The following TAFA1 variants were observed in gnomAD, a reference collection of about 807,000 sequenced individuals.
TAFA1 encodes TAFA chemokine like family member 1.
TAFA1 carries 4 observed loss-of-function variants against 18.5 expected under a neutral mutation model. The observed-to-expected ratio is 0.22, with a 90% CI of 0.11 to 0.49. TAFA1 has a LOEUF of 0.49. TAFA1 is among the 20% of genes least tolerant of loss of function. The pLI is 0.98. For synonymous variants in TAFA1, 56 were observed against 55.2 expected, an observed-to-expected ratio of 1.01 and a Z score of -0.06; for missense variants, 147 against 169.0, an observed-to-expected ratio of 0.87 and a Z score of 0.72.
chr3:68,214,567 G>A (rs900859181), intron 2 of TAFA1, among the ~76,000 whole-genome samples: 3 of 151,984 alleles, frequency 2.0e-5, no homozygotes, highest in Non-Finnish European at 2.9e-5. Context: ...CTCTCATGCC[G>A]TTTCTTTCTC....
rs568737677 is a variant in TAFA1, at chr3:68,534,444, C to T, written c.260-4312C>T. On this transcript the variant is annotated intron_variant, in intron 3 of 4. Coordinates refer to ENST00000478136, the MANE Select transcript of TAFA1 (RefSeq NM_213609.4). The stretch of plus-strand genomic sequence containing the variant: ...ACATGTGTGCACATAATTTGTATGC[C>T]TTTTTTTCCTGTTAATGTTTATTTT... 6.8e-4 allele frequency among the ~76,000 whole-genome samples: 104 copies of T among 152,182 alleles called. 1 individual carries two copies. Among genetic ancestry groups the T allele is most frequent in the Middle Eastern group, 3.4e-3 (1 of 294 alleles).
At chr3:68,195,049 A>G (rs559187562) in intron 2 of TAFA1, among the ~76,000 whole-genome samples, 1 of 151,476 alleles carries the variant, frequency 6.6e-6, no homozygotes, top group Non-Finnish European at 1.5e-5. Context: ...CTGGGTCCTC[A>G]CATGCTGCTT....
At chr3:68,109,942 G>T (rs1320860124) in intron 2 of TAFA1, among the ~76,000 whole-genome samples, 1 of 152,108 alleles carries the variant, frequency 6.6e-6, no homozygotes, top group Non-Finnish European at 1.5e-5. Flanking sequence ...ATGTGATTAT[G>T]TGGCCAATTT....
intron 3 of TAFA1, among the ~76,000 whole-genome samples, chr3:68,439,434 T>TAAACTC (rs2071331699): frequency 7.4e-6 from 1 of 136,022 alleles, no homozygotes; most frequent in Admixed American, 7.6e-5. Flanking sequence ...TATATATATA[T>TAAACTC]ATATATATAT....
chr3:68,145,092 G>A, intron 2 of TAFA1: 1 of 1,271,340 alleles, frequency 7.9e-7, no homozygotes, highest in Non-Finnish European at 1.2e-6. Context: ...GCCCCTGGAG[G>A]AATTGCTACA....
intron 2 of TAFA1, among the ~76,000 whole-genome samples, chr3:68,266,613 T>C (rs1012268298): frequency 6.6e-6 from 1 of 152,056 alleles, no homozygotes; most frequent in Non-Finnish European, 1.5e-5. Context: ...TTCTAGAACA[T>C]AGGGCTGCAA....
chr3:68,409,755 CA>C (rs1156311996), intron 2 of TAFA1, among the ~76,000 whole-genome samples: 2 of 152,108 alleles, frequency 1.3e-5, no homozygotes, highest in Non-Finnish European at 2.9e-5. Flanking sequence ...GGTGTCCATT[CA>C]AAAAATTTGA....
chr3:68,152,239 G>A (rs1387431054), intron 2 of TAFA1, among the ~76,000 whole-genome samples: 2 of 152,160 alleles, frequency 1.3e-5, no homozygotes, highest in African/African-American at 4.8e-5. Flanking sequence ...TAGGCTGTTT[G>A]TTGAGAATGC....
intron 2 of TAFA1, among the ~76,000 whole-genome samples, chr3:68,030,615 T>G (rs996542992): frequency 1.3e-5 from 2 of 152,200 alleles, no homozygotes; most frequent in African/African-American, 2.4e-5. Flanking sequence ...TATGGCTGCA[T>G]AGTATTCCAT....
At chr3:68,535,202 C>A (rs1465088876) in intron 3 of TAFA1, among the ~76,000 whole-genome samples, 1 of 152,098 alleles carries the variant, frequency 6.6e-6, no homozygotes, top group African/African-American at 2.4e-5. Context: ...TGATTTGTGT[C>A]TTATGTAACT....
At chr3:68,535,112 T>C (rs2073255892) in intron 3 of TAFA1, among the ~76,000 whole-genome samples, 1 of 152,158 alleles carries the variant, frequency 6.6e-6, no homozygotes, top group Non-Finnish European at 1.5e-5. Flanking sequence ...TGGTAGTAAA[T>C]GTAACTGGAC....
chr3:68,061,058 G>A (rs1420347222), intron 2 of TAFA1, among the ~76,000 whole-genome samples: 1 of 152,098 alleles, frequency 6.6e-6, no homozygotes, highest in South Asian at 2.1e-4. Flanking sequence ...GCTTTGTTTG[G>A]AGATGGAGCT....
At chr3:68,401,597 A>C (rs1175097548) in intron 2 of TAFA1, among the ~76,000 whole-genome samples, 2 of 152,200 alleles carry the variant, frequency 1.3e-5, no homozygotes, top group Non-Finnish European at 2.9e-5. Flanking sequence ...CAATCTCCAG[A>C]CTTGCGTCTT....
rs926323252 is a variant in TAFA1, at chr3:68,437,615, C to A, written c.259+20195C>A. Among the ~76,000 whole-genome samples, 7 of 152,034 alleles carry A rather than the reference C, an allele frequency of 4.6e-5. No homozygotes were observed. In the South Asian group the frequency reaches 1.2e-3, roughly 27 times the overall value. On this transcript the variant is annotated intron_variant, in intron 3 of 4. Transcript: ENST00000478136. ...TCTCTTCTTATAAAGCCACCAGTTTCACTCTCATGAAAACCCATGAATCCA... is the reference window on the plus strand; with the variant it reads ...TCTCTTCTTATAAAGCCACCAGTTTAACTCTCATGAAAACCCATGAATCCA...
chr3:67,998,555 G>GGCAT, the TAFA1 span, among the ~76,000 whole-genome samples: 4 of 152,120 alleles, frequency 2.6e-5, no homozygotes, highest in African/African-American at 9.7e-5. Context: ...AAACTAATGA[G>GGCAT]GCATGACAAG....
chr3:68,360,584 G>C (rs1208107993), intron 2 of TAFA1, among the ~76,000 whole-genome samples: 2 of 151,880 alleles, frequency 1.3e-5, no homozygotes, highest in Non-Finnish European at 2.9e-5. Context: ...TCACAAATCT[G>C]CTCACTCAGC....
At chr3:68,038,552 A>T (rs1705100510) in intron 2 of TAFA1, among the ~76,000 whole-genome samples, 1 of 152,188 alleles carries the variant, frequency 6.6e-6, no homozygotes, top group Non-Finnish European at 1.5e-5. Context: ...TGCTCAGTGA[A>T]TGTCAAGTGG....
At chr3:68,096,049 C>A (rs2065083498) in intron 2 of TAFA1, among the ~76,000 whole-genome samples, 1 of 152,052 alleles carries the variant, frequency 6.6e-6, no homozygotes, top group Non-Finnish European at 1.5e-5. Flanking sequence ...CATTAACCAA[C>A]TTCTTTTCAT....
chr3:68,019,874 C>T (rs1158069559), intron 2 of TAFA1, among the ~76,000 whole-genome samples: 1 of 152,188 alleles, frequency 6.6e-6, no homozygotes, highest in Admixed American at 6.6e-5. Flanking sequence ...TATGATTTTG[C>T]TCTAGCAGAC....
Sources: gnomAD v4.1 joint callset for allele counts (sites outside exome capture counted in the v4.1 genomes callset) on GRCh38, gnomAD v4.1.1 for gene constraint, MANE v1.5 for transcripts, NCBI Gene and HGNC (gene_info 2026-07-23, HGNC 2026-07-21) for gene names.